Variants in GABRR1 observed in about 807,000 individuals in gnomAD.
The protein encoded by GABRR1 is gamma-aminobutyric acid receptor subunit rho-1.
In GABRR1, 59 loss-of-function variants were observed where a neutral mutation model predicts 55.5. That is an observed-to-expected ratio of 1.06 (90% CI 0.86 to 1.32). The LOEUF (loss-of-function observed/expected upper bound fraction) is 1.32. GABRR1 is among the 40% of genes most tolerant of loss of function. The pLI, the probability that GABRR1 is intolerant of heterozygous loss-of-function variation, is 0.00. For missense variants in GABRR1, 602 were observed against 619.1 expected (o/e 0.97, Z 0.29); for synonymous variants, 213 against 226.0 (o/e 0.94, Z 0.51).
chr6:89,203,262 A>AC (rs1325388810), intron 2 of GABRR1, among the ~76,000 whole-genome samples, 173 bp downstream of exon 2: 38 of 151,568 alleles, frequency 2.5e-4, no homozygotes, highest in Non-Finnish European at 5.0e-4. Flanking sequence ...TCCAGGAGCC[A>AC]CCCCGCCACC....
chr6:89,219,677 A>C (rs1306112484), upstream of GABRR1, among the ~76,000 whole-genome samples: 1 of 152,220 alleles, frequency 6.6e-6, no homozygotes, highest in Non-Finnish European at 1.5e-5. Context: ...CTGTAATAGT[A>C]GATGTTAACA....
rs1554190903 is a variant in GABRR1 at position 89,196,876 on chromosome 6, A to AAAGAAAGAAAGAAAAGAG, written c.572+1143_572+1144insCTCTTTTCTTTCTTTCTT. Among the ~76,000 whole-genome samples the AAAGAAAGAAAGAAAAGAG allele has an allele frequency of 8.8e-5, 9 of 101,948 alleles. No individual in the cohort carries two copies. The Admixed American group carries it at 1.1e-3, about 12-fold the overall frequency. 66.9% of individuals were successfully genotyped at this position (101,948 alleles called of 152,430 possible). A position where few individuals can be genotyped will look rare whatever the true frequency, so the allele number is the denominator to read the frequency against. On this transcript the variant is annotated intron_variant, in intron 5 of 9. Transcript: ENST00000454853. ...GAAAGAAAGAAAGAAAGAAAGAAAG[A>AAAGAAAGAAAGAAAAGAG]AAGAGAAGAGAAGAAAAAAGAAAAG...
intron 1 of GABRR1, among the ~76,000 whole-genome samples, chr6:89,214,347 A>T (rs898489386): frequency 8.6e-5 from 12 of 138,766 alleles, no homozygotes; most frequent in Admixed American, 2.9e-4. Context: ...TAGGCAGTGA[A>T]TTTTTTGCAT....
chr6:89,212,786 A>C (rs1772871707), intron 1 of GABRR1, among the ~76,000 whole-genome samples: 1 of 151,960 alleles, frequency 6.6e-6, no homozygotes, highest in African/African-American at 2.4e-5. Flanking sequence ...CTCCCACTTC[A>C]GCCTCTTGAG....
Position 89,181,944 on chromosome 6 carries a change from AG to A in GABRR1, c.909del (p.Trp304GlyfsTer13). On this transcript the variant is annotated frameshift_variant, in exon 8 of 10. Transcript: ENST00000454853. LOFTEE classifies it high-confidence loss of function. ...TLMVMLSWVS[F>X]WIDRRAVPAR... ...GCAGGCACGGCTCTGCGGTCGATCCAGAAGGACACCCAGGACAGCATGACCA... is the reference window on the plus strand; with the variant it reads ...GCAGGCACGGCTCTGCGGTCGATCCAAAGGACACCCAGGACAGCATGACCA... The A allele has an allele frequency of 6.2e-7, 1 of 1,614,148 alleles. No individual in the cohort carries two copies. The highest frequency in any genetic ancestry group is 1.1e-5 in the South Asian group (1 of 91,064).
At chr6:89,220,835 C>T (rs988300488), upstream of GABRR1, among the ~76,000 whole-genome samples, 1 of 152,126 alleles carries the variant, frequency 6.6e-6, no homozygotes, top group Non-Finnish European at 1.5e-5. Context: ...ATTCTCCTGC[C>T]TCAGCCTCCC....
chr6:89,190,100 G>C, intron 6 of GABRR1, 65 bp downstream of exon 6: 1 of 1,117,502 alleles, frequency 8.9e-7, no homozygotes, highest in Non-Finnish European at 1.3e-6. Context: ...TCCTGCAGCT[G>C]AGAGTTAGAG....
intron 1 of GABRR1, among the ~76,000 whole-genome samples, chr6:89,230,852 C>G (rs1346818907): frequency 1.3e-5 from 2 of 149,616 alleles, no homozygotes; most frequent in Non-Finnish European, 3.0e-5. Flanking sequence ...GCGGGCACCC[C>G]TCCCCCAGCC....
chr6:89,196,393 T>C (rs1361880239), intron 5 of GABRR1, among the ~76,000 whole-genome samples: 1 of 152,180 alleles, frequency 6.6e-6, no homozygotes, highest in Non-Finnish European at 1.5e-5. Context: ...ACATATGTTA[T>C]GGTCTAGTAC....
intron 1 of GABRR1, among the ~76,000 whole-genome samples, chr6:89,213,701 G>A (rs1772896818): frequency 2.0e-5 from 3 of 152,174 alleles, no homozygotes; most frequent in Non-Finnish European, 4.4e-5. Flanking sequence ...TTTCAAATAA[G>A]TGAACATGCA....
chr6:89,204,783 C>A, intron 1 of GABRR1: 3 of 548,426 alleles, frequency 5.5e-6, no homozygotes, highest in Non-Finnish European at 8.0e-6. Context: ...TGTTTACATG[C>A]CCATGTAAAA....
chr6:89,197,190 C>T (rs1349966075), intron 5 of GABRR1, among the ~76,000 whole-genome samples: 2 of 152,208 alleles, frequency 1.3e-5, no homozygotes, highest in African/African-American at 4.8e-5. Flanking sequence ...TATAAGTCTA[C>T]TGTGCAAGCA....
chr6:89,212,604 T>A (rs1482557662), intron 1 of GABRR1, among the ~76,000 whole-genome samples: 3 of 152,166 alleles, frequency 2.0e-5, no homozygotes, highest in African/African-American at 4.8e-5. Context: ...AGACAAGTTA[T>A]GTTTCCATTC....
chr6:89,192,545 T>A, intron 5 of GABRR1, among the ~76,000 whole-genome samples: 1 of 149,620 alleles, frequency 6.7e-6, no homozygotes, highest in Non-Finnish European at 1.5e-5. Context: ...CTCCTCTTCT[T>A]CCTCTTCTTC....
chr6:89,230,834 G>A (rs1346889346), intron 1 of GABRR1, among the ~76,000 whole-genome samples: 3 of 150,146 alleles, frequency 2.0e-5, no homozygotes, highest in Non-Finnish European at 4.5e-5. Context: ...AAGCAAGCCT[G>A]GGCAATGGCG....
rs1771609445 is a variant in GABRR1 at position 89,178,533 on chromosome 6, T to C, written c.*237A>G. The C allele has an allele frequency of 2.3e-5, 12 of 526,638 alleles. No individual in the cohort carries two copies. Among genetic ancestry groups the C allele is most frequent in the Non-Finnish European group, 3.7e-5 (11 of 293,592 alleles). 32.6% of individuals were successfully genotyped at this position (526,638 alleles called of 1,614,324 possible). The stretch of plus-strand genomic sequence containing the variant: ...TAACAACTAACATCAGTCGCTACAG[T>C]GTCGTATTTCCTGCAGCACCTAATA... On this transcript the variant is annotated 3_prime_UTR_variant, in exon 10 of 10. Coordinates refer to ENST00000454853, the MANE Select transcript of GABRR1 (RefSeq NM_002042.5).
At chr6:89,216,008 T>C (rs1397762897) in intron 1 of GABRR1, among the ~76,000 whole-genome samples, 1 of 152,202 alleles carries the variant, frequency 6.6e-6, no homozygotes, top group Non-Finnish European at 1.5e-5. Flanking sequence ...AAATAATCTC[T>C]ACGGCTGCAC....
At chr6:89,204,862 G>T (rs1228167836) in intron 1 of GABRR1, among the ~76,000 whole-genome samples, 1 of 152,068 alleles carries the variant, frequency 6.6e-6, no homozygotes, top group South Asian at 2.1e-4. Context: ...CTGCCATTCT[G>T]CATCTGTATT....
chr6:89,223,929 T>C (rs915876770), intron 1 of GABRR1, among the ~76,000 whole-genome samples: 2 of 151,266 alleles, frequency 1.3e-5, no homozygotes, highest in African/African-American at 4.9e-5. Context: ...ATGCCCAGCT[T>C]ATTTTTGTAT....
Sources: gnomAD v4.1 joint callset for allele counts (sites outside exome capture counted in the v4.1 genomes callset) on GRCh38, gnomAD v4.1.1 for gene constraint, MANE v1.5 for transcripts, NCBI Gene and HGNC (gene_info 2026-07-23, HGNC 2026-07-21) for gene names.